SPEF2: variants seen among roughly 807,000 people sequenced by gnomAD.
SPEF2 encodes the protein sperm flagella and cilia-associated protein 2.
In SPEF2, 187 loss-of-function variants were observed where a neutral mutation model predicts 224.6. The ratio of observed to expected loss-of-function variants is 0.83; its 90% CI spans 0.74 to 0.94. The LOEUF (loss-of-function observed/expected upper bound fraction) is 0.94, where lower values mean the gene tolerates loss of function less well. SPEF2 is among the 40% of genes least tolerant of loss of function. SPEF2 has a pLI of 0.00. For missense variants in SPEF2, 2,170 were observed against 2,135.6 expected, an observed-to-expected ratio of 1.02 and a Z score of -0.32; for synonymous variants, 715 against 707.3, an observed-to-expected ratio of 1.01 and a Z score of -0.17.
chr5:35,807,893 C>T, intron 36 of SPEF2: 1 of 1,455,966 alleles, frequency 6.9e-7, no homozygotes, highest in Non-Finnish European at 9.0e-7. Context: ...AGGGCAGAGG[C>T]TGACACCAAC....
intron 24 of SPEF2, among the ~76,000 whole-genome samples, chr5:35,755,402 T>C (rs1400061246): frequency 6.6e-6 from 1 of 152,170 alleles, no homozygotes; most frequent in Non-Finnish European, 1.5e-5. Context: ...TATGAATCAT[T>C]CTTCATTCAG....
At chr5:35,811,104 A>G (rs1404337627) in intron 36 of SPEF2, among the ~76,000 whole-genome samples, 1 of 151,360 alleles carries the variant, frequency 6.6e-6, no homozygotes, top group Non-Finnish European at 1.5e-5. Context: ...AAAAAAAATA[A>G]TAAATAATAA....
At chr5:35,793,706 C>T (rs999833839) in intron 32 of SPEF2, among the ~76,000 whole-genome samples, 5 of 149,702 alleles carry the variant, frequency 3.3e-5, no homozygotes, top group Non-Finnish European at 7.4e-5. Context: ...AAGCTCCCAG[C>T]GTAGAAAGAA....
chr5:35,790,318 A>T, intron 30 of SPEF2: 1 of 590,958 alleles, frequency 1.7e-6, no homozygotes, highest in Non-Finnish European at 3.0e-6. Context: ...TCAACTGGTG[A>T]CACAAGATCT....
chr5:35,623,675 G>T (rs1743826254), intron 1 of SPEF2, among the ~76,000 whole-genome samples: 1 of 152,224 alleles, frequency 6.6e-6, no homozygotes, highest in African/African-American at 2.4e-5. Context: ...CAGGCCTAAA[G>T]AGTGGACCTG....
chr5:35,627,056 C>G (rs1485664115), intron 1 of SPEF2, among the ~76,000 whole-genome samples: 1 of 151,034 alleles, frequency 6.6e-6, no homozygotes, highest in African/African-American at 2.4e-5. Context: ...AATATTTTAA[C>G]CGATGTTAAA....
chr5:35,723,563 T>C (rs1006669318), intron 20 of SPEF2, among the ~76,000 whole-genome samples: 6 of 152,214 alleles, frequency 3.9e-5, no homozygotes, highest in African/African-American at 1.2e-4. Context: ...ATTTATAATA[T>C]ACCTCTTCCT....
intron 3 of SPEF2, among the ~76,000 whole-genome samples, chr5:35,642,025 A>G (rs1746681845): frequency 6.6e-6 from 1 of 152,024 alleles, no homozygotes; most frequent in African/African-American, 2.4e-5. Flanking sequence ...CAGCATCCCA[A>G]GTAGCTGGGA....
chr5:35,813,441 A>G (rs900508042), intron 36 of SPEF2, among the ~76,000 whole-genome samples: 1 of 152,254 alleles, frequency 6.6e-6, no homozygotes, highest in African/African-American at 2.4e-5. Flanking sequence ...GCAGTGAGCT[A>G]TGGTCATGCC....
At chr5:35,800,598 C>A (rs1417403967) in intron 34 of SPEF2, among the ~76,000 whole-genome samples, 1 of 152,202 alleles carries the variant, frequency 6.6e-6, no homozygotes, top group African/African-American at 2.4e-5. Flanking sequence ...TTTCATATCA[C>A]CTGTGTCCAA....
At chr5:35,730,084 C>A (rs1745382739) in intron 21 of SPEF2, among the ~76,000 whole-genome samples, 2 of 152,190 alleles carry the variant, frequency 1.3e-5, no homozygotes, top group Non-Finnish European at 2.9e-5. Context: ...AACTGAGAAT[C>A]CTGTACTTTA....
At chr5:35,663,847 C>T (rs974208632) in intron 8 of SPEF2, among the ~76,000 whole-genome samples, 2 of 152,126 alleles carry the variant, frequency 1.3e-5, no homozygotes, top group African/African-American at 4.8e-5. Context: ...AGGTGCAAGC[C>T]CAGTACTATT....
chr5:35,633,203 G>T (rs1023394094), intron 2 of SPEF2, among the ~76,000 whole-genome samples: 1 of 152,054 alleles, frequency 6.6e-6, no homozygotes, highest in Admixed American at 6.6e-5. Context: ...CTTCTGCATA[G>T]TTGCTGTATC....
At chr5:35,649,548 G>A (rs1036521760) in intron 6 of SPEF2, 123 bp downstream of exon 6, 2 of 656,052 alleles carry the variant, frequency 3.0e-6, no homozygotes, top group Non-Finnish European at 5.0e-6. Flanking sequence ...AAAGAATCTT[G>A]ATTCAGAGAG....
chr5:35,658,895 G>A (rs758423497), intron 7 of SPEF2, 124 bp from the exon 8 acceptor site: 3 of 708,686 alleles, frequency 4.2e-6, no homozygotes, highest in African/African-American at 1.8e-5. Context: ...TTCAAATTAA[G>A]TCAAATGACA....
At chr5:35,759,945 G>T (rs1750994174) in intron 25 of SPEF2, among the ~76,000 whole-genome samples, 1 of 152,084 alleles carries the variant, frequency 6.6e-6, no homozygotes, top group African/African-American at 2.4e-5. Flanking sequence ...TTTTGCTGCA[G>T]AGATAAAATG....
At chr5:35,732,590 C>T (rs1327231584) in intron 21 of SPEF2, among the ~76,000 whole-genome samples, 1 of 152,118 alleles carries the variant, frequency 6.6e-6, no homozygotes, top group Non-Finnish European at 1.5e-5. Flanking sequence ...GCCATACAGT[C>T]TCCAAAAAAT....
intron 12 of SPEF2, 107 bp downstream of exon 12, chr5:35,692,831 C>A: frequency 1.0e-6 from 1 of 976,926 alleles, no homozygotes; most frequent in Non-Finnish European, 1.4e-6. Context: ...CTGTACAGAC[C>A]CAGAGAGTAA....
At chr5:35,788,517 C>G (rs569253868) in intron 30 of SPEF2, 1 of 702,504 alleles carries the variant, frequency 1.4e-6, no homozygotes, top group Admixed American at 2.0e-5. Context: ...GTGCAGTTTG[C>G]ACATGCAGGA....
Sources: gnomAD v4.1 joint callset for allele counts (sites outside exome capture counted in the v4.1 genomes callset) on GRCh38, gnomAD v4.1.1 for gene constraint, MANE v1.5 for transcripts, NCBI Gene and HGNC (gene_info 2026-07-23, HGNC 2026-07-21) for gene names.